Variants in PKD1L1 observed in about 807,000 individuals in gnomAD.
PKD1L1 encodes the protein polycystin-1-like protein 1.
A neutral mutation model predicts 323.4 loss-of-function variants in PKD1L1; 236 were observed. That is an observed-to-expected ratio of 0.73 (90% CI 0.66 to 0.81). The LOEUF is 0.81. Ranked by LOEUF, PKD1L1 falls within the 40% of genes least tolerant of loss-of-function variation. The probability of loss-of-function intolerance (pLI) is 0.00; values close to 1 mark genes in which losing one functional copy is unlikely to be tolerated. For synonymous variants in PKD1L1, 1,344 were observed against 1,335.0 expected (o/e 1.01, Z -0.15); for missense variants, 3,320 against 3,508.0 (o/e 0.95, Z 1.35).
In PKD1L1 at chr7:47,880,265, CATAT is replaced by C. The variant is rs1223516389; in HGVS notation, c.3520+459_3520+462del. Among the ~76,000 whole-genome samples, 15 of 75,584 alleles carry C rather than the reference CATAT, an allele frequency of 2.0e-4. 1 individual carries two copies. Among genetic ancestry groups the C allele is most frequent in the South Asian group, 8.9e-4 (2 of 2,252 alleles). The allele number at this position is 75,584 out of a possible 152,430, so 49.6% of individuals were successfully genotyped here. On this transcript the variant is annotated intron_variant, in intron 21 of 56. Coordinates refer to ENST00000289672, the MANE Select transcript of PKD1L1 (RefSeq NM_138295.5). ...TAAATAAGATATATATATATATATA[CATAT>C]ATATATATATATATATTTTTTTTTT...
At chr7:47,887,890 A>G in intron 17 of PKD1L1, 100 bp downstream of exon 17, 1 of 1,210,220 alleles carries the variant, frequency 8.3e-7, no homozygotes, top group East Asian at 2.5e-5. Context: ...GATCAGACAC[A>G]CTGGGTCATA....
intron 56 of PKD1L1, among the ~76,000 whole-genome samples, chr7:47,780,540 G>A (rs1786668267): frequency 1.3e-5 from 2 of 152,080 alleles, no homozygotes; most frequent in Admixed American, 6.5e-5. Context: ...GCTGAAGCAT[G>A]AGAATCACGT....
intron 26 of PKD1L1, among the ~76,000 whole-genome samples, chr7:47,860,271 G>A (rs1785996747): frequency 6.6e-6 from 1 of 152,146 alleles, no homozygotes; most frequent in Non-Finnish European, 1.5e-5. Flanking sequence ...CTGCATCACT[G>A]CTTGTGTTTA....
In PKD1L1 at chr7:47,857,747, C is replaced by T; in HGVS notation, c.4448G>A (p.Ser1483Asn). 6.2e-7 allele frequency: 1 copy of T among 1,614,124 alleles called. No individual in the cohort carries two copies. Among genetic ancestry groups the T allele is most frequent in the Non-Finnish European group, 8.5e-7 (1 of 1,180,024 alleles). Residue 1483 changes from serine (S) to asparagine (N), a missense_variant, in exon 28 of 57, where the codon AGC (serine) becomes AAC (asparagine). Physicochemically the swap from Ser to Asn is conservative, Grantham distance 46. Coordinates refer to ENST00000289672, the MANE Select transcript of PKD1L1 (RefSeq NM_138295.5). ...LHYNLQSSVQ[S>N]LGSVQVHLPG... ...TAAATGCACCTGGACAGATCCCAGG[C>T]TCTGGACAGAGCTCTGAAGGTTGTA...
chr7:47,939,207 A>G (rs1787934224), intron 3 of PKD1L1, among the ~76,000 whole-genome samples: 1 of 152,242 alleles, frequency 6.6e-6, no homozygotes, highest in African/African-American at 2.4e-5. Context: ...CAGAGCAGAG[A>G]AAAGCTCCCA....
rs193154072 is a variant in PKD1L1 at position 47,921,428 on chromosome 7, C to T, written c.1061-5829G>A. 2.8e-4 allele frequency among the ~76,000 whole-genome samples: 43 copies of T among 152,136 alleles called. No homozygotes were observed. In the East Asian group the frequency reaches 8.1e-3, roughly 29 times the overall value. Reference sequence around the variant, plus strand: ...TGGATGCAGTGAACAGGGAACGCTTCTATACTGCTGGTGGGAATGTAAACC... The same window carrying T: ...TGGATGCAGTGAACAGGGAACGCTTTTATACTGCTGGTGGGAATGTAAACC... On this transcript the variant is annotated intron_variant, in intron 7 of 56. Coordinates refer to ENST00000289672, the MANE Select transcript of PKD1L1 (RefSeq NM_138295.5).
intron 52 of PKD1L1, 127 bp from the exon 53 acceptor site, chr7:47,803,471 T>C: frequency 2.8e-6 from 3 of 1,066,818 alleles, no homozygotes; most frequent in Non-Finnish European, 4.0e-6. Context: ...CCCATGAGTC[T>C]CCGAGGGACA....
At chr7:47,785,385 G>A (rs987498937) in intron 56 of PKD1L1, among the ~76,000 whole-genome samples, 1 of 152,194 alleles carries the variant, frequency 6.6e-6, no homozygotes, top group African/African-American at 2.4e-5. Flanking sequence ...CCAGCCTCTA[G>A]AATTGTGCCT....
chr7:47,905,709 G>C (rs1787188800), intron 10 of PKD1L1, 134 bp downstream of exon 10: 18 of 1,247,176 alleles, frequency 1.4e-5, no homozygotes, highest in Non-Finnish European at 2.0e-5. Flanking sequence ...GATGAACAAA[G>C]AACCTGTTCA....
At chr7:47,869,059 C>T in intron 24 of PKD1L1, among the ~76,000 whole-genome samples, 1 of 152,018 alleles carries the variant, frequency 6.6e-6, no homozygotes, top group South Asian at 2.1e-4. Flanking sequence ...GAAGTAGTTT[C>T]TAGTAAGTTA....
intron 7 of PKD1L1, among the ~76,000 whole-genome samples, chr7:47,923,233 C>T (rs1328642318): frequency 6.6e-6 from 1 of 151,794 alleles, no homozygotes; most frequent in Non-Finnish European, 1.5e-5. Context: ...AAACCAGAGA[C>T]CTTTGTTCAC....
chr7:47,876,855 C>T (rs1041298503), intron 22 of PKD1L1, among the ~76,000 whole-genome samples: 7 of 152,136 alleles, frequency 4.6e-5, no homozygotes, highest in Admixed American at 1.3e-4. Context: ...TCTCGGCTCA[C>T]TGCAACCTCC....
At chr7:47,822,987 C>T (rs561848064) in intron 45 of PKD1L1, among the ~76,000 whole-genome samples, 1 of 151,412 alleles carries the variant, frequency 6.6e-6, no homozygotes, top group East Asian at 1.9e-4. Context: ...GGATTTTCTG[C>T]AAAGAAAATT....
intron 46 of PKD1L1, chr7:47,819,627 A>G (rs779272913): frequency 8.1e-7 from 1 of 1,232,806 alleles, no homozygotes; most frequent in Admixed American, 2.1e-5. Context: ...TAATTTCACT[A>G]TTACAATGCT....
chr7:47,827,577 G>T (rs1050680123), intron 44 of PKD1L1, 109 bp from the exon 45 acceptor site: 10 of 901,326 alleles, frequency 1.1e-5, no homozygotes, highest in African/African-American at 3.3e-5. Context: ...TGTGCCTTCA[G>T]CCTGGCATTT....
chr7:47,886,967 T>C (rs1360805945), intron 17 of PKD1L1, among the ~76,000 whole-genome samples: 2 of 152,224 alleles, frequency 1.3e-5, no homozygotes, highest in Non-Finnish European at 2.9e-5. Flanking sequence ...AGCAAGCTTT[T>C]ACTTGCAACC....
intron 6 of PKD1L1, among the ~76,000 whole-genome samples, chr7:47,930,505 G>GA (rs926722659): frequency 7.0e-5 from 10 of 142,836 alleles, no homozygotes; most frequent in African/African-American, 1.3e-4. Context: ...ACTCCCTCTC[G>GA]AAAAAAAAAT....
chr7:47,832,329 T>C (rs934301568), intron 41 of PKD1L1, among the ~76,000 whole-genome samples: 6 of 152,202 alleles, frequency 3.9e-5, no homozygotes, highest in Admixed American at 3.9e-4. Context: ...CGTCGGTCCT[T>C]GGGATGAGTT....
intron 4 of PKD1L1, among the ~76,000 whole-genome samples, chr7:47,935,941 A>G (rs1405560352): frequency 6.6e-6 from 1 of 152,250 alleles, no homozygotes; most frequent in East Asian, 1.9e-4. Flanking sequence ...AAAACAGTGG[A>G]ACTGAATAAT....
Sources: allele counts gnomAD v4.1 joint callset (sites outside exome capture counted in the v4.1 genomes callset), GRCh38; gene constraint gnomAD v4.1.1; transcripts MANE v1.5; gene names NCBI Gene and HGNC (gene_info 2026-07-23, HGNC 2026-07-21).